Variants in CTNNA2 observed in about 807,000 individuals in gnomAD.
CTNNA2 encodes the protein catenin alpha-2.
In CTNNA2, 42 loss-of-function variants were observed where a neutral mutation model predicts 101.0. The observed-to-expected ratio is 0.42, with a 90% CI of 0.32 to 0.54. CTNNA2 has a LOEUF of 0.54. Ranked by LOEUF, CTNNA2 falls within the 20% of genes least tolerant of loss-of-function variation. The pLI, the probability that CTNNA2 is intolerant of heterozygous loss-of-function variation, is 0.14. For missense variants in CTNNA2, 871 were observed against 1,223.1 expected (o/e 0.71, Z 4.29); for synonymous variants, 450 against 456.4 (o/e 0.99, Z 0.18).
intron 7 of CTNNA2, among the ~76,000 whole-genome samples, chr2:80,227,209 A>T (rs1708937885): frequency 6.6e-6 from 1 of 152,130 alleles, no homozygotes; most frequent in Non-Finnish European, 1.5e-5. Context: ...ATGAATTTTC[A>T]TGGGCCTGTG....
At chr2:79,187,267 TTTC>T (rs1228104576) in intron 1 of CTNNA2, among the ~76,000 whole-genome samples, 7,946 of 105,230 alleles carry the variant, frequency 0.076, 439 homozygotes, top group African/African-American at 0.17. Flanking sequence ...TTTCTTTTCT[TTTC>T]TTTTTTTTTT....
At chr2:79,431,014 TG>T (rs1678654078) in intron 4 of CTNNA2, among the ~76,000 whole-genome samples, 1 of 152,166 alleles carries the variant, frequency 6.6e-6, no homozygotes, top group Admixed American at 6.6e-5. Context: ...CAAGCATTGC[TG>T]GAAGAATGAG....
intron 1 of CTNNA2, among the ~76,000 whole-genome samples, chr2:79,576,930 G>C (rs942286237): frequency 6.6e-6 from 1 of 152,082 alleles, no homozygotes; most frequent in African/African-American, 2.4e-5. Context: ...ACATAAACAC[G>C]TTTTACTTAA....
intron 2 of CTNNA2, among the ~76,000 whole-genome samples, chr2:79,662,529 T>C (rs2104534652): frequency 6.6e-6 from 1 of 152,166 alleles, no homozygotes; most frequent in Middle Eastern, 3.4e-3. Context: ...TTTTGGACAA[T>C]GTAGAAATAT....
At chr2:80,071,339 G>A (rs1043829610) in intron 7 of CTNNA2, among the ~76,000 whole-genome samples, 3 of 152,174 alleles carry the variant, frequency 2.0e-5, no homozygotes, top group Non-Finnish European at 2.9e-5. Flanking sequence ...ATTCCGTGCC[G>A]TCAATTGTAG....
At chr2:80,532,144 T>C (rs1200223999) in intron 9 of CTNNA2, among the ~76,000 whole-genome samples, 1 of 152,212 alleles carries the variant, frequency 6.6e-6, no homozygotes, top group Non-Finnish European at 1.5e-5. Context: ...TCCTTGTCCT[T>C]ATGTATTTCC....
chr2:80,272,930 C>G (rs933775371), intron 7 of CTNNA2, among the ~76,000 whole-genome samples: 1 of 152,056 alleles, frequency 6.6e-6, no homozygotes, highest in African/African-American at 2.4e-5. Context: ...TCTGAAAGAC[C>G]AAACTCTTCT....
chr2:80,461,966 TCTGCTTTGCAAGACATCATTCA>T (rs544477478), intron 9 of CTNNA2, among the ~76,000 whole-genome samples: 9 of 152,204 alleles, frequency 5.9e-5, no homozygotes, highest in Non-Finnish European at 1.2e-4. Context: ...CCCCTGGGGA[TCTGCTTTGCAAGACATCATTCA>T]CTGGGCAATA....
rs1573165284 is a variant in CTNNA2 at position 79,436,109 on chromosome 2, T to C, written c.-135+62096T>C. Among the ~76,000 whole-genome samples, 4 of 152,304 alleles carry C rather than the reference T, an allele frequency of 2.6e-5. No individual in the cohort carries two copies. In the Middle Eastern group the frequency reaches 0.014, roughly 518 times the overall value. On this transcript the variant is annotated intron_variant, in intron 4 of 21. Transcript: ENST00000466387. Reference sequence around the variant, plus strand: ...ATTTTTAACAAGCACCACAGGCTTTTCTGATGCAGTTAGCGTAATCTCAAG... The same window carrying C: ...ATTTTTAACAAGCACCACAGGCTTTCCTGATGCAGTTAGCGTAATCTCAAG...
chr2:80,058,049 G>T (rs1697343579), intron 7 of CTNNA2, among the ~76,000 whole-genome samples: 1 of 152,178 alleles, frequency 6.6e-6, no homozygotes, highest in Non-Finnish European at 1.5e-5. Flanking sequence ...AAGAAGAAAA[G>T]AATAAGTATG....
intron 3 of CTNNA2, among the ~76,000 whole-genome samples, chr2:79,364,130 T>C (rs1677691710): frequency 6.6e-6 from 1 of 152,138 alleles, no homozygotes; most frequent in African/African-American, 2.4e-5. Flanking sequence ...CAGCAAGCAA[T>C]TTTCAGGCTA....
intron 7 of CTNNA2, among the ~76,000 whole-genome samples, chr2:80,231,579 A>G (rs1709213804): frequency 6.6e-6 from 1 of 152,178 alleles, no homozygotes; most frequent in Non-Finnish European, 1.5e-5. Context: ...GGGGTCAGAC[A>G]TGTTTCATTA....
In CTNNA2 at chr2:79,627,598, C is replaced by T. The variant is rs112120619; in HGVS notation, c.-5-23954C>T. The stretch of plus-strand genomic sequence containing the variant: ...CTTTATAAACATATGGTCTATCTCC[C>T]GTGTAATATCATGGTACATCTCTAT... On this transcript the variant is annotated intron_variant, in intron 1 of 18. Transcript: ENST00000402739. Among the ~76,000 whole-genome samples, 1,086 of 152,252 alleles carry T rather than the reference C, an allele frequency of 7.1e-3. 18 individuals carry two copies. The highest frequency in any genetic ancestry group is 0.025 in the African/African-American group (1,038 of 41,540).
intron 7 of CTNNA2, among the ~76,000 whole-genome samples, chr2:79,940,789 C>T (rs901986614): frequency 6.6e-6 from 1 of 152,190 alleles, no homozygotes; most frequent in Non-Finnish European, 1.5e-5. Context: ...TAATCTAATA[C>T]AGAGCCTATT....
At chr2:79,774,355 C>T (rs1573934870) in intron 3 of CTNNA2, among the ~76,000 whole-genome samples, 1 of 152,298 alleles carries the variant, frequency 6.6e-6, no homozygotes, top group East Asian at 1.9e-4. Flanking sequence ...AGTTGAAAGC[C>T]TCTGTATTAG....
intron 7 of CTNNA2, among the ~76,000 whole-genome samples, chr2:80,087,306 G>A (rs1355867092): frequency 1.3e-5 from 2 of 152,002 alleles, no homozygotes; most frequent in East Asian, 1.9e-4. Context: ...GAACATCACT[G>A]GACAACTCCC....
At chr2:80,576,944 G>A (rs2149708956) in intron 13 of CTNNA2, among the ~76,000 whole-genome samples, 2 of 152,150 alleles carry the variant, frequency 1.3e-5, no homozygotes, top group Admixed American at 1.3e-4. Context: ...GTATCAAGGT[G>A]CCCTGGAGCA....
In CTNNA2 at chr2:79,704,574, A is replaced by G. The variant is rs948675267; in HGVS notation, c.103-39813A>G. On this transcript the variant is annotated intron_variant, in intron 2 of 18. Transcript: ENST00000402739. ...GTTCCCCAGGCTGGAGTGCAGTGGC[A>G]CAATCTCGGCTCACTGCAAGCTCCG... Among the ~76,000 whole-genome samples, 21 of 143,164 alleles carry G rather than the reference A, an allele frequency of 1.5e-4. No homozygotes were observed. In the East Asian group the frequency reaches 3.4e-3, roughly 23 times the overall value. The allele number at this position is 143,164 out of a possible 152,430, so 93.9% of individuals were successfully genotyped here. A position where few individuals can be genotyped will look rare whatever the true frequency, so the allele number is the denominator to read the frequency against.
intron 3 of CTNNA2, among the ~76,000 whole-genome samples, chr2:79,329,505 C>T (rs1044290711): frequency 1.3e-5 from 2 of 152,090 alleles, no homozygotes; most frequent in African/African-American, 2.4e-5. Flanking sequence ...CATTTACCTA[C>T]GGTGGCATCC....
Sources: gnomAD v4.1 joint callset for allele counts (sites outside exome capture counted in the v4.1 genomes callset) on GRCh38, gnomAD v4.1.1 for gene constraint, MANE v1.5 for transcripts, NCBI Gene and HGNC (gene_info 2026-07-23, HGNC 2026-07-21) for gene names.